Variants in TBC1D5 observed in about 807,000 individuals in gnomAD.
The protein encoded by TBC1D5 is TBC1 domain family member 5, also known as TBC1 domain family, member 5.
Under a neutral mutation model 100.3 loss-of-function variants are expected in TBC1D5, and 75 were observed. The ratio of observed to expected loss-of-function variants is 0.75; its 90% CI spans 0.62 to 0.91. The LOEUF (loss-of-function observed/expected upper bound fraction) is 0.91. TBC1D5 is among the 40% of genes least tolerant of loss of function. The pLI, the probability that TBC1D5 is intolerant of heterozygous loss-of-function variation, is 0.00. For synonymous variants in TBC1D5, 323 were observed against 325.6 expected (o/e 0.99, Z 0.09); for missense variants, 910 against 942.4 (o/e 0.97, Z 0.45).
intron 1 of TBC1D5, among the ~76,000 whole-genome samples, chr3:17,726,120 T>C (rs2076106986): frequency 6.6e-6 from 1 of 152,368 alleles, no homozygotes; most frequent in East Asian, 1.9e-4. Flanking sequence ...CTACCACTGA[T>C]GGACATGTAA....
At chr3:17,249,994 C>A (rs2077053580) in intron 16 of TBC1D5, among the ~76,000 whole-genome samples, 1 of 152,108 alleles carries the variant, frequency 6.6e-6, no homozygotes, top group Non-Finnish European at 1.5e-5. Flanking sequence ...ATGACAGAGA[C>A]AAAGTGAGCA....
intron 13 of TBC1D5, among the ~76,000 whole-genome samples, chr3:17,353,854 C>T (rs1258149812): frequency 6.6e-6 from 1 of 152,018 alleles, no homozygotes; most frequent in Non-Finnish European, 1.5e-5. Context: ...GTAAGCCAAG[C>T]TCCCCCAAGA....
exon 17 of TBC1D5, chr3:17,238,205 T>TCTG: frequency 6.2e-7 from 1 of 1,614,016 alleles, no homozygotes. Context: ...TTCATCAGCC[T>TCTG]CTGCTGCTGC....
At chr3:17,693,708 G>A (rs984307855) in intron 1 of TBC1D5, among the ~76,000 whole-genome samples, 6 of 152,186 alleles carry the variant, frequency 3.9e-5, no homozygotes, top group Non-Finnish European at 7.3e-5. Flanking sequence ...GTCCCTGTCT[G>A]ACGGCTCTGA....
chr3:17,647,268 A>T (rs2065097899), intron 1 of TBC1D5, among the ~76,000 whole-genome samples: 1 of 152,122 alleles, frequency 6.6e-6, no homozygotes, highest in Admixed American at 6.6e-5. Context: ...CAGAAAACAA[A>T]GCAAAGTTCC....
intron 4 of TBC1D5, among the ~76,000 whole-genome samples, chr3:17,419,095 T>C (rs905760525): frequency 6.6e-6 from 1 of 152,204 alleles, no homozygotes; most frequent in African/African-American, 2.4e-5. Flanking sequence ...AGAGCCCTCA[T>C]GCACATACGC....
At chr3:17,230,172 T>TTTCC (rs532766813) in intron 17 of TBC1D5, among the ~76,000 whole-genome samples, 87 of 152,196 alleles carry the variant, frequency 5.7e-4, no homozygotes, top group African/African-American at 2.0e-3. Flanking sequence ...CTCTTGTGAG[T>TTTCC]GGAAGCTGTC....
At chr3:17,171,526 G>A (rs1321380075) in intron 19 of TBC1D5, among the ~76,000 whole-genome samples, 1 of 152,112 alleles carries the variant, frequency 6.6e-6, no homozygotes, top group African/African-American at 2.4e-5. Context: ...GCTTCTGGTG[G>A]TTGTCAACAA....
At chr3:17,473,595 G>A (rs532389642) in intron 3 of TBC1D5, among the ~76,000 whole-genome samples, 2 of 152,272 alleles carry the variant, frequency 1.3e-5, no homozygotes, top group Non-Finnish European at 2.9e-5. Context: ...ATTTGAAGGT[G>A]GCTCTGTGGA....
intron 3 of TBC1D5, among the ~76,000 whole-genome samples, chr3:17,500,171 T>TCC (rs2095767235): frequency 6.7e-6 from 1 of 149,252 alleles, no homozygotes; most frequent in Admixed American, 6.6e-5. Flanking sequence ...GTAGCCTATC[T>TCC]CCCTTCAAGC....
chr3:17,656,474 G>A (rs2066073511), intron 1 of TBC1D5, among the ~76,000 whole-genome samples: 1 of 152,198 alleles, frequency 6.6e-6, no homozygotes, highest in Non-Finnish European at 1.5e-5. Context: ...CAGAGTAACA[G>A]TAAGTTTATT....
chr3:17,579,006 T>A (rs116393410), intron 2 of TBC1D5, among the ~76,000 whole-genome samples: 1,792 of 152,178 alleles, frequency 0.012, 34 homozygotes, highest in African/African-American at 0.04. Context: ...TGTTTACTAG[T>A]ATACTGAATA....
At chr3:17,351,129 TAAATAAA>T (rs2090525450) in intron 13 of TBC1D5, among the ~76,000 whole-genome samples, 1 of 152,158 alleles carries the variant, frequency 6.6e-6, no homozygotes, top group Non-Finnish European at 1.5e-5. Context: ...TATGCTTCTT[TAAATAAA>T]AGTAGGGAGA....
At chr3:17,648,928 A>C (rs1430137924) in intron 1 of TBC1D5, among the ~76,000 whole-genome samples, 2 of 152,230 alleles carry the variant, frequency 1.3e-5, no homozygotes, top group African/African-American at 4.8e-5. Context: ...GTGATTCCTC[A>C]CAGAGGCAAA....
intron 17 of TBC1D5, among the ~76,000 whole-genome samples, chr3:17,215,735 A>G (rs1035897048): frequency 1.2e-4 from 18 of 152,284 alleles, no homozygotes; most frequent in African/African-American, 4.3e-4. Context: ...AAAGTCAGAG[A>G]TATCACAAGA....
intron 18 of TBC1D5, among the ~76,000 whole-genome samples, chr3:17,202,527 GA>G (rs1306347353): frequency 6.6e-6 from 1 of 152,212 alleles, no homozygotes; most frequent in Non-Finnish European, 1.5e-5. Flanking sequence ...GAGACAATGT[GA>G]AAAATGTCTC....
intron 1 of TBC1D5, among the ~76,000 whole-genome samples, chr3:17,703,566 G>A (rs1161948214): frequency 6.6e-6 from 1 of 152,010 alleles, no homozygotes; most frequent in Non-Finnish European, 1.5e-5. Flanking sequence ...TAGGGAGTGG[G>A]TGGGAAAGAC....
Position 17,723,135 on chromosome 3 carries a change from A to T in TBC1D5, c.-101+16208T>A, listed in dbSNP as rs2075837431. On this transcript the variant is annotated intron_variant, in intron 1 of 21. Coordinates refer to ENST00000253692, the Ensembl canonical transcript of TBC1D5. Reference sequence around the variant, plus strand: ...CTATATTATTGTCTAGGGTGACTAGACAATAATAATAATGGTACATTCTAA... The same window carrying T: ...CTATATTATTGTCTAGGGTGACTAGTCAATAATAATAATGGTACATTCTAA... Among the ~76,000 whole-genome samples, 5 of 152,180 alleles carry T rather than the reference A, an allele frequency of 3.3e-5. No homozygotes were observed. The South Asian group carries it at 1.0e-3, about 31-fold the overall frequency.
At chr3:17,331,117 G>A (rs1204373697) in intron 13 of TBC1D5, among the ~76,000 whole-genome samples, 1 of 151,938 alleles carries the variant, frequency 6.6e-6, no homozygotes, top group African/African-American at 2.4e-5. Context: ...TGTGATCCTG[G>A]GACAACCTTG....
Sources: allele counts gnomAD v4.1 joint callset (sites outside exome capture counted in the v4.1 genomes callset), GRCh38; gene constraint gnomAD v4.1.1; transcripts MANE v1.5; gene names NCBI Gene and HGNC (gene_info 2026-07-23, HGNC 2026-07-21).